The following KLF8 variants were observed in gnomAD, a reference collection of about 807,000 sequenced individuals.
KLF8 encodes the protein Krueppel-like factor 8.
In KLF8, 10 loss-of-function variants were observed where a neutral mutation model predicts 18.2. The observed-to-expected ratio is 0.55, with a 90% confidence interval of 0.34 to 0.93. The LOEUF is 0.93. Ranked by LOEUF, KLF8 falls within the 40% of genes least tolerant of loss-of-function variation. The probability of loss-of-function intolerance (pLI) is 0.02; values close to 1 mark genes in which losing one functional copy is unlikely to be tolerated. For missense variants in KLF8, 264 were observed against 277.9 expected, an observed-to-expected ratio of 0.95 and a Z score of 0.36; for synonymous variants, 109 against 97.3, an observed-to-expected ratio of 1.12 and a Z score of -0.71.
At chrX:56,030,450 T>C in the KLF8 span, among the ~76,000 whole-genome samples, 8 of 111,847 alleles carry the variant, frequency 7.2e-5, no homozygotes, top group Non-Finnish European at 3.8e-5. Context: ...TATAATAGTT[T>C]GGAGCAAGTC....
At chrX:56,222,901 C>A in the KLF8 span, among the ~76,000 whole-genome samples, 115 of 113,079 alleles carry the variant, frequency 1.0e-3, no homozygotes, top group African/African-American at 3.6e-3. Flanking sequence ...CCGCAAGCGC[C>A]GTGTGCAGTC....
the KLF8 span, among the ~76,000 whole-genome samples, chrX:56,054,320 T>A: frequency 9.0e-6 from 1 of 111,302 alleles, no homozygotes; most frequent in Non-Finnish European, 1.9e-5. Context: ...AACTTTTTGA[T>A]TTCTATTTTA....
the KLF8 span, among the ~76,000 whole-genome samples, chrX:56,008,137 T>TATATATATATAC: frequency 9.7e-4 from 103 of 106,466 alleles, 1 homozygote; most frequent in African/African-American, 3.6e-3. Context: ...TATATATATA[T>TATATATATATAC]ACACACACAA....
the KLF8 span, among the ~76,000 whole-genome samples, chrX:55,939,906 T>C: frequency 1.8e-5 from 2 of 110,325 alleles, no homozygotes; most frequent in Non-Finnish European, 1.9e-5. Context: ...TCAAAAAGAG[T>C]CCAGGACCAG....
the KLF8 span, among the ~76,000 whole-genome samples, chrX:56,036,611 G>T: frequency 1.8e-5 from 2 of 112,126 alleles, no homozygotes; most frequent in African/African-American, 6.5e-5. Context: ...GTTCAGCAGT[G>T]TGCTTCCTGC....
chrX:56,160,510 TTGTG>T, the KLF8 span, among the ~76,000 whole-genome samples: 1 of 111,281 alleles, frequency 9.0e-6, no homozygotes, highest in African/African-American at 3.3e-5. Flanking sequence ...CCCATTACTA[TTGTG>T]TGGGAGTCTA....
At chrX:56,024,548 A>C in the KLF8 span, among the ~76,000 whole-genome samples, 2 of 111,377 alleles carry the variant, frequency 1.8e-5, no homozygotes, top group Non-Finnish European at 3.8e-5. Context: ...CGGCAGACTA[A>C]TGTCTCAAAA....
the KLF8 span, among the ~76,000 whole-genome samples, chrX:55,972,610 A>T: frequency 8.1e-5 from 9 of 111,609 alleles, no homozygotes; most frequent in Admixed American, 5.7e-4. Flanking sequence ...ATAGTTATGC[A>T]TTGGCTTTCT....
chrX:56,051,133 C>T, the KLF8 span, among the ~76,000 whole-genome samples: 1 of 111,124 alleles, frequency 9.0e-6, no homozygotes, highest in African/African-American at 3.3e-5. Flanking sequence ...AGATCTTCCT[C>T]CATCCTTTTA....
the KLF8 span, among the ~76,000 whole-genome samples, chrX:56,162,970 A>G: frequency 8.9e-6 from 1 of 112,151 alleles, no homozygotes; most frequent in Non-Finnish European, 1.9e-5. Context: ...TTTATGTACC[A>G]TATTTTCTTT....
chrX:56,269,593 A>G lies in KLF8; in HGVS notation c.758+104A>G, dbSNP rs991392207. ...GGTGGAACTAATGATCAGACACAAG[A>G]GTAAGAATTTGAGGACAAGAAATAT... On this transcript the variant is annotated intron_variant, in intron 4 of 5. Transcript: ENST00000468660. The G allele has an allele frequency of 5.5e-4, 563 of 1,031,326 alleles. 5 individuals carry two copies. Among genetic ancestry groups the G allele is most frequent in the Non-Finnish European group, 1.1e-4 (89 of 806,424 alleles). 85.0% of individuals were successfully genotyped at this position (1,031,326 alleles called of 1,213,427 possible).
At chrX:55,937,734 C>T in the KLF8 span, among the ~76,000 whole-genome samples, 177 of 112,315 alleles carry the variant, frequency 1.6e-3, 3 homozygotes, top group African/African-American at 5.1e-3. Flanking sequence ...AATGCACATG[C>T]GTCAGTAGCT....
At chrX:56,175,183 G>A in the KLF8 span, among the ~76,000 whole-genome samples, 2 of 111,445 alleles carry the variant, frequency 1.8e-5, no homozygotes, top group African/African-American at 6.5e-5. Context: ...TTTTAACTGT[G>A]ATGTTAGGGT....
Position 56,286,687 on chromosome X carries a change from A to G in KLF8, c.*2193A>G, listed in dbSNP as rs1205445100. On this transcript the variant is annotated 3_prime_UTR_variant, in exon 6 of 6. Transcript: ENST00000468660. ...TTAACTTGCAATGTCTGTCTATCTC[A>G]TGAACTCTCCATAAATCCAAGAACT... 8.9e-6 allele frequency: 1 copy of G among 112,213 alleles called. No individual in the cohort carries two copies. Among genetic ancestry groups the G allele is most frequent in the Non-Finnish European group, 1.9e-5 (1 of 53,283 alleles). 9.2% of individuals were successfully genotyped at this position (112,213 alleles called of 1,213,427 possible).
chrX:55,994,443 T>C, the KLF8 span, among the ~76,000 whole-genome samples: 1 of 109,072 alleles, frequency 9.2e-6, no homozygotes, highest in Non-Finnish European at 1.9e-5. Context: ...GTAATTTTTG[T>C]TATTTTTTTT....
At chrX:56,199,189 C>G in the KLF8 span, among the ~76,000 whole-genome samples, 2 of 111,947 alleles carry the variant, frequency 1.8e-5, no homozygotes, top group African/African-American at 6.5e-5. Flanking sequence ...GCAAGGACTT[C>G]CTGACTAAAA....
At chrX:56,274,055 G>A in intron 5 of KLF8, among the ~76,000 whole-genome samples, 2 of 111,763 alleles carry the variant, frequency 1.8e-5, no homozygotes, top group Non-Finnish European at 3.8e-5. Context: ...GGGATTACTG[G>A]ATCTTATGAT....
At chrX:56,206,795 A>T in the KLF8 span, among the ~76,000 whole-genome samples, 2 of 111,965 alleles carry the variant, frequency 1.8e-5, no homozygotes, top group Non-Finnish European at 3.8e-5. Context: ...TCCAGATGGG[A>T]CTCTGTGTGG....
intron 2 of KLF8, among the ~76,000 whole-genome samples, chrX:56,252,982 T>C (rs2066734247): frequency 2.7e-5 from 3 of 112,861 alleles, no homozygotes; most frequent in Middle Eastern, 4.6e-3. Flanking sequence ...CACCTTTTCA[T>C]ATACCTGTTT....
Sources: gnomAD v4.1 joint callset for allele counts (sites outside exome capture counted in the v4.1 genomes callset) on GRCh38, gnomAD v4.1.1 for gene constraint, MANE v1.5 for transcripts, NCBI Gene and HGNC (gene_info 2026-07-23, HGNC 2026-07-21) for gene names.